The following CACNA2D2 variants were observed in gnomAD, a reference collection of about 807,000 sequenced individuals.
CACNA2D2 encodes the protein calcium voltage-gated channel auxiliary subunit alpha2delta 2, also known as voltage-dependent calcium channel subunit alpha-2/delta-2.
CACNA2D2 carries 48 observed loss-of-function variants against 166.4 expected under a neutral mutation model. The observed-to-expected ratio is 0.29, with a 90% confidence interval of 0.23 to 0.37. CACNA2D2 has a LOEUF of 0.37. Ranked by LOEUF, CACNA2D2 falls within the 10% of genes least tolerant of loss-of-function variation. The probability of loss-of-function intolerance (pLI) is 1.00; values close to 1 mark genes in which losing one functional copy is unlikely to be tolerated. For missense variants in CACNA2D2, 1,122 were observed against 1,433.0 expected, an observed-to-expected ratio of 0.78 and a Z score of 3.50; for synonymous variants, 561 against 573.7, an observed-to-expected ratio of 0.98 and a Z score of 0.32.
At position 50,364,543 on chromosome 3, in the gene CACNA2D2, G is replaced by T; in HGVS notation, c.*123C>A. 8.2e-7 allele frequency: 1 copy of T among 1,226,404 alleles called. No individual in the cohort carries two copies. The highest frequency in any genetic ancestry group is 1.6e-5 in the South Asian group (1 of 63,016). 76.0% of individuals were successfully genotyped at this position (1,226,404 alleles called of 1,614,324 possible). A position where few individuals can be genotyped will look rare whatever the true frequency, so the allele number is the denominator to read the frequency against. ...GGCGCAGACCAGACTCTCAGGGCCT[G>T]GCCAGCTCAGGTCCTTCAGTGAGGG... On this transcript the variant is annotated 3_prime_UTR_variant, in exon 38 of 38. Transcript: ENST00000424201.
chr3:50,468,441 G>GTGTGTGTGTGTGTGTGTGTGTGT (rs61609978), intron 2 of CACNA2D2, among the ~76,000 whole-genome samples: 1 of 140,408 alleles, frequency 7.1e-6, no homozygotes, highest in Non-Finnish European at 1.6e-5. Flanking sequence ...GTGTGTGTGT[G>GTGTGTGTGTGTGTGTGTGTGTGT]GCTTTAGGAA....
At chr3:50,431,403 C>A (rs934145522) in intron 3 of CACNA2D2, among the ~76,000 whole-genome samples, 2 of 152,058 alleles carry the variant, frequency 1.3e-5, no homozygotes, top group Non-Finnish European at 2.9e-5. Flanking sequence ...GAGTTCACTG[C>A]CCAGGAGCGC....
At chr3:50,438,851 G>A (rs1043857509) in intron 2 of CACNA2D2, among the ~76,000 whole-genome samples, 3 of 152,200 alleles carry the variant, frequency 2.0e-5, no homozygotes, top group Admixed American at 6.5e-5. Flanking sequence ...AAGGAGAGTG[G>A]GGAAAAGCAA....
chr3:50,483,769 G>A (rs1698160556), intron 1 of CACNA2D2, among the ~76,000 whole-genome samples: 1 of 152,162 alleles, frequency 6.6e-6, no homozygotes, highest in Non-Finnish European at 1.5e-5. Flanking sequence ...GGACCATTTA[G>A]GGATCCATAT....
chr3:50,485,863 G>T (rs549215549), intron 1 of CACNA2D2, among the ~76,000 whole-genome samples: 1 of 152,348 alleles, frequency 6.6e-6, no homozygotes, highest in East Asian at 1.9e-4. Flanking sequence ...TAACAAACAA[G>T]CCCGGGCCTC....
intron 1 of CACNA2D2, among the ~76,000 whole-genome samples, chr3:50,495,327 C>G (rs896853355): frequency 2.0e-5 from 3 of 152,200 alleles, no homozygotes; most frequent in Non-Finnish European, 4.4e-5. Flanking sequence ...GAGCCCCTCA[C>G]AGCCACTTCC....
intron 22 of CACNA2D2, among the ~76,000 whole-genome samples, chr3:50,371,680 G>C (rs1704661755): frequency 6.6e-6 from 1 of 152,180 alleles, no homozygotes; most frequent in Non-Finnish European, 1.5e-5. Context: ...GGAGGGGCTG[G>C]GCAGTCACTG....
chr3:50,482,100 G>A (rs1167080853), intron 1 of CACNA2D2, among the ~76,000 whole-genome samples: 2 of 152,218 alleles, frequency 1.3e-5, no homozygotes, highest in African/African-American at 2.4e-5. Context: ...CTTCTGAAGG[G>A]GAAAGACAGG....
intron 2 of CACNA2D2, among the ~76,000 whole-genome samples, chr3:50,434,855 C>CA (rs1251573627): frequency 6.6e-6 from 1 of 152,202 alleles, no homozygotes; most frequent in Non-Finnish European, 1.5e-5. Context: ...TACCCCATCC[C>CA]AAAAAGAAGA....
At position 50,364,664 on chromosome 3, in the gene CACNA2D2, G is replaced by A. The variant is rs1704114192; in HGVS notation, c.*2C>T. ...GAGTGGAGGTGGGGTGGGGCAGGGT[G>A]CTCAGAGGCGGCGAGAGGCGTGGAC... On this transcript the variant is annotated 3_prime_UTR_variant, in exon 38 of 38. Coordinates refer to ENST00000424201, the MANE Select transcript of CACNA2D2 (RefSeq NM_006030.4). 1.3e-6 allele frequency: 2 copies of A among 1,521,692 alleles called. No homozygotes were observed. Among genetic ancestry groups the A allele is most frequent in the Non-Finnish European group, 1.8e-6 (2 of 1,132,898 alleles). 94.3% of individuals were successfully genotyped at this position (1,521,692 alleles called of 1,614,324 possible).
chr3:50,459,573 A>G (rs1013741986), intron 2 of CACNA2D2, among the ~76,000 whole-genome samples: 2 of 152,178 alleles, frequency 1.3e-5, no homozygotes, highest in African/African-American at 4.8e-5. Context: ...GAAGCCCATC[A>G]GTCTAAAAAC....
intron 3 of CACNA2D2, among the ~76,000 whole-genome samples, chr3:50,428,140 G>T (rs976130194): frequency 3.9e-5 from 6 of 152,130 alleles, no homozygotes; most frequent in African/African-American, 1.4e-4. Flanking sequence ...GCAACATTTG[G>T]CGGTATTTAG....
chr3:50,370,659 G>A (rs587763801), intron 22 of CACNA2D2, among the ~76,000 whole-genome samples: 62 of 152,154 alleles, frequency 4.1e-4, no homozygotes, highest in African/African-American at 1.3e-3. Flanking sequence ...GTCCCTTGGC[G>A]TGGCTGTATA....
chr3:50,387,097 T>G (rs1705646395), intron 5 of CACNA2D2, among the ~76,000 whole-genome samples: 1 of 151,966 alleles, frequency 6.6e-6, no homozygotes, highest in South Asian at 2.1e-4. Context: ...ACTTCTGAGG[T>G]GGGTGACCCT....
chr3:50,392,444 C>T (rs1293006203), intron 4 of CACNA2D2, among the ~76,000 whole-genome samples: 1 of 152,272 alleles, frequency 6.6e-6, no homozygotes, highest in East Asian at 1.9e-4. Context: ...TGGGACAGGC[C>T]GGCAGGCACC....
In CACNA2D2 at chr3:50,379,772, C is replaced by T. The variant is rs769033285; in HGVS notation, c.946G>A (p.Glu316Lys). ...TLKLMKTSVC[E>K]MLDTLSDDDY... ...TCATCAGACAGCGTGTCCAGCATCT[C>T]GCAGACAGATGTCTTCATCAGCTTC... The change falls in exon 10 of 38, where the codon GAG becomes AAG. Residue 316 changes from glutamate to lysine, a missense_variant. Transcript: ENST00000424201. The surrounding 1 kb of genome is among the most constrained non-coding windows in gnomAD (Gnocchi z 6.5). 5.0e-6 allele frequency: 8 copies of T among 1,613,850 alleles called. No individual in the cohort carries two copies. The highest frequency in any genetic ancestry group is 3.3e-5 in the South Asian group (3 of 91,090).
chr3:50,476,301 A>G (rs947766068), intron 1 of CACNA2D2, 102 bp from the exon 2 acceptor site: 2 of 850,566 alleles, frequency 2.4e-6, no homozygotes, highest in Non-Finnish European at 3.7e-6. Context: ...ATCCACTCAC[A>G]CCCCAATTTT....
At chr3:50,420,640 G>A (rs1707508425) in intron 3 of CACNA2D2, among the ~76,000 whole-genome samples, 1 of 152,188 alleles carries the variant, frequency 6.6e-6, no homozygotes, top group Non-Finnish European at 1.5e-5. Flanking sequence ...GGGTGTGGGG[G>A]CTCCAGGCAG....
intron 1 of CACNA2D2, among the ~76,000 whole-genome samples, chr3:50,485,909 G>T (rs570749259): frequency 4.9e-4 from 74 of 152,164 alleles, no homozygotes; most frequent in Non-Finnish European, 7.1e-4. Flanking sequence ...CCAGGGGCAC[G>T]GGGACAGGAA....
Sources: gnomAD v4.1 joint callset for allele counts (sites outside exome capture counted in the v4.1 genomes callset) on GRCh38, gnomAD v4.1.1 for gene constraint, Gnocchi (gnomAD v3.1) non-coding constraint, MANE v1.5 for transcripts, NCBI Gene and HGNC (gene_info 2026-07-23, HGNC 2026-07-21) for gene names.